IL22RA2: variants seen among roughly 807,000 people sequenced by gnomAD.
The protein encoded by IL22RA2 is interleukin-22 receptor subunit alpha-2.
Under a neutral mutation model 30.7 loss-of-function variants are expected in IL22RA2, and 39 were observed. That is an observed-to-expected ratio of 1.27 (90% CI 0.98 to 1.66). IL22RA2 has a LOEUF of 1.66. IL22RA2 is among the 40% of genes most tolerant of loss of function. IL22RA2 has a pLI of 0.00. For synonymous variants in IL22RA2, 103 were observed against 105.0 expected (o/e 0.98, Z 0.11); for missense variants, 315 against 312.7 (o/e 1.01, Z -0.05).
intron 5 of IL22RA2, among the ~76,000 whole-genome samples, chr6:137,148,905 T>G (rs1268857630): frequency 6.6e-6 from 1 of 152,194 alleles, no homozygotes; most frequent in African/African-American, 2.4e-5. Context: ...ATTTTGCAAT[T>G]GATTGCAAAA....
At chr6:137,147,206 A>T (rs939696524) in intron 6 of IL22RA2, among the ~76,000 whole-genome samples, 12 of 149,122 alleles carry the variant, frequency 8.0e-5, no homozygotes, top group South Asian at 4.2e-4. Flanking sequence ...AAAAAAAAAA[A>T]AAAAAAAAAA....
At chr6:137,157,865 G>A (rs374975135) in intron 3 of IL22RA2, among the ~76,000 whole-genome samples, 1 of 152,130 alleles carries the variant, frequency 6.6e-6, no homozygotes, top group Non-Finnish European at 1.5e-5. Context: ...TCATGCTTAC[G>A]AGAGTCATTA....
At chr6:137,160,417 G>C (rs1186840715) in intron 2 of IL22RA2, among the ~76,000 whole-genome samples, 1 of 152,226 alleles carries the variant, frequency 6.6e-6, no homozygotes, top group Non-Finnish European at 1.5e-5. Flanking sequence ...ACCTGAAGGA[G>C]ATTGCCAGGC....
intron 5 of IL22RA2, among the ~76,000 whole-genome samples, chr6:137,154,629 A>G (rs2114364876): frequency 6.6e-6 from 1 of 152,010 alleles, no homozygotes. Flanking sequence ...AAACACACAC[A>G]CACACACACA....
At chr6:137,169,713 A>T (rs1778694246) in intron 1 of IL22RA2, among the ~76,000 whole-genome samples, 1 of 152,238 alleles carries the variant, frequency 6.6e-6, no homozygotes, top group Admixed American at 6.5e-5. Flanking sequence ...TCTGGAAATT[A>T]TAGTCAATGA....
intron 3 of IL22RA2, among the ~76,000 whole-genome samples, chr6:137,157,553 G>A (rs570361039): frequency 4.7e-4 from 72 of 152,192 alleles, no homozygotes; most frequent in African/African-American, 1.7e-3. Flanking sequence ...GAATTTATGG[G>A]ATAAAAATTG....
rs1355390019 is a variant in IL22RA2 at position 137,161,687 on chromosome 6, A to C, written c.61+2T>G. ...GCAATTAAAAAGAAACAAAGCACTT[A>C]CCTGCTACACCAGTAAGGAAGAAAC... On this transcript the variant is annotated splice_donor_variant, in intron 2 of 6. Coordinates refer to ENST00000296980, the MANE Select transcript of IL22RA2 (RefSeq NM_052962.3). LOFTEE classifies it high-confidence loss of function. 6.2e-7 allele frequency: 1 copy of C among 1,612,026 alleles called. No homozygotes were observed. Among genetic ancestry groups the C allele is most frequent in the African/African-American group, 1.3e-5 (1 of 74,998 alleles).
chr6:137,144,685 TG>T lies in IL22RA2; in HGVS notation c.*938del, dbSNP rs1053059809. On this transcript the variant is annotated 3_prime_UTR_variant, in exon 7 of 7. Coordinates refer to ENST00000296980, the MANE Select transcript of IL22RA2 (RefSeq NM_052962.3). ...CCAGCTTCAAGCTGAGTTCTCTGTA[TG>T]GGGTCGACCCCAGCAGTTCCCAATA... The T allele has an allele frequency of 1.3e-5, 2 of 152,322 alleles. No homozygotes were observed. The highest frequency in any genetic ancestry group is 4.8e-5 in the African/African-American group (2 of 41,456). 9.4% of individuals were successfully genotyped at this position (152,322 alleles called of 1,614,324 possible).
intron 5 of IL22RA2, 99 bp from the exon 6 acceptor site, chr6:137,147,990 C>T: frequency 8.8e-7 from 1 of 1,142,706 alleles, no homozygotes; most frequent in Non-Finnish European, 1.3e-6. Flanking sequence ...GGAGGATCAC[C>T]TGAGCCCAGG....
In IL22RA2 at chr6:137,158,433, C is replaced by A; in HGVS notation, c.111G>T (p.Gln37His). The part of the protein sequence containing the change: ...ESLKPQRVQF[Q>H]SRNFHNILQW... ...GCAAAATGTTGTGAAAATTTCGGGA[C>A]TGAAATTGTACCCTCTGAGGCTTCA... Residue 37 changes from glutamine (Q) to histidine (H), a missense_variant, in exon 3 of 7, where the codon CAG becomes CAT. Physicochemically the swap from Gln to His is conservative, Grantham distance 24 (BLOSUM62 0). Coordinates refer to ENST00000296980, the MANE Select transcript of IL22RA2 (RefSeq NM_052962.3). The A allele has an allele frequency of 6.2e-7, 1 of 1,614,126 alleles. No homozygotes were observed. Among genetic ancestry groups the A allele is most frequent in the Non-Finnish European group, 8.5e-7 (1 of 1,179,998 alleles).
intron 5 of IL22RA2, among the ~76,000 whole-genome samples, chr6:137,150,397 T>C (rs1350460449): frequency 6.6e-6 from 1 of 152,114 alleles, no homozygotes; most frequent in Non-Finnish European, 1.5e-5. Context: ...CTGGGTTTCT[T>C]ATTCTTCTAC....
At chr6:137,150,480 A>ATTTTTTTTTTTTTTTTTTTTTTTTTT (rs61381227) in intron 5 of IL22RA2, among the ~76,000 whole-genome samples, 1 of 100,542 alleles carries the variant, frequency 9.9e-6, no homozygotes, top group Admixed American at 1.1e-4. Context: ...TTCTTTTCTG[A>ATTTTTTTTTTTTTTTTTTTTTTTTTT]TTTTTTTTTT....
At chr6:137,152,191 T>C (rs1778305938) in intron 5 of IL22RA2, among the ~76,000 whole-genome samples, 1 of 151,564 alleles carries the variant, frequency 6.6e-6, no homozygotes, top group Non-Finnish European at 1.5e-5. Context: ...CCAGCCCAGG[T>C]GACAGAGCAG....
Position 137,152,178 on chromosome 6 carries a change from G to A in IL22RA2, c.472+2763C>T, listed in dbSNP as rs28741416. On this transcript the variant is annotated intron_variant, in intron 5 of 6. Coordinates refer to ENST00000296980, the MANE Select transcript of IL22RA2 (RefSeq NM_052962.3). Reference sequence around the variant, plus strand: ...AAGTGAGCTATGTTTGTGCCACTGCGCTCCAGCCCAGGTGACAGAGCAGGA... The same window carrying A: ...AAGTGAGCTATGTTTGTGCCACTGCACTCCAGCCCAGGTGACAGAGCAGGA... Among the ~76,000 whole-genome samples the A allele has an allele frequency of 8.3e-3, 1,259 of 151,804 alleles. 31 individuals are homozygous for A. The highest frequency in any genetic ancestry group is 0.029 in the African/African-American group (1,191 of 41,328).
intron 5 of IL22RA2, among the ~76,000 whole-genome samples, chr6:137,150,530 A>G (rs1475223341): frequency 6.9e-6 from 1 of 145,510 alleles, no homozygotes; most frequent in African/African-American, 2.6e-5. Flanking sequence ...TACAGAAAAC[A>G]CACAAACCCT....
At chr6:137,150,679 C>T (rs918972037) in intron 5 of IL22RA2, among the ~76,000 whole-genome samples, 2 of 151,858 alleles carry the variant, frequency 1.3e-5, no homozygotes, top group African/African-American at 4.8e-5. Flanking sequence ...TGAATGTGAC[C>T]CTATTTCTAG....
intron 1 of IL22RA2, among the ~76,000 whole-genome samples, chr6:137,163,805 G>C (rs1388633689): frequency 6.6e-6 from 1 of 152,180 alleles, no homozygotes; most frequent in Non-Finnish European, 1.5e-5. Context: ...TTTGGGGATG[G>C]GGGAGGTGTG....
intron 6 of IL22RA2, among the ~76,000 whole-genome samples, chr6:137,146,225 T>C (rs1054080300): frequency 2.0e-5 from 3 of 151,902 alleles, no homozygotes; most frequent in African/African-American, 7.3e-5. Flanking sequence ...AGAGATGGAG[T>C]TTCACCATGT....
intron 1 of IL22RA2, among the ~76,000 whole-genome samples, chr6:137,165,721 A>T (rs772190040): frequency 6.6e-6 from 1 of 152,220 alleles, no homozygotes; most frequent in East Asian, 1.9e-4. Flanking sequence ...GATTTCCTCC[A>T]GAAATTGCAA....
Sources: allele counts gnomAD v4.1 joint callset (sites outside exome capture counted in the v4.1 genomes callset), GRCh38; gene constraint gnomAD v4.1.1; transcripts MANE v1.5; gene names NCBI Gene and HGNC (gene_info 2026-07-23, HGNC 2026-07-21).